Variants in HOXC10 observed in about 807,000 individuals in gnomAD.
HOXC10 encodes the protein homeobox C10.
HOXC10 carries 15 observed loss-of-function variants against 26.0 expected under a neutral mutation model. The observed-to-expected ratio is 0.58, with a 90% CI of 0.39 to 0.89. The LOEUF (loss-of-function observed/expected upper bound fraction) is 0.89, where lower values mean the gene tolerates loss of function less well. HOXC10 is among the 40% of genes least tolerant of loss of function. The probability of loss-of-function intolerance (pLI) is 0.00; values close to 1 mark genes in which losing one functional copy is unlikely to be tolerated. For missense variants in HOXC10, 446 were observed against 451.9 expected (o/e 0.99, Z 0.12); for synonymous variants, 196 against 185.5 (o/e 1.06, Z -0.46).
chr12:53,986,254 T>G (rs542841944), intron 1 of HOXC10: 2 of 443,292 alleles, frequency 4.5e-6, no homozygotes. Context: ...GCGGGGGCGG[T>G]GCGCACCGCG....
In HOXC10 at chr12:53,989,711, G is replaced by A. The variant is rs965442271; in HGVS notation, c.*265G>A. 24 of 501,582 alleles carry A rather than the reference G, an allele frequency of 4.8e-5. No homozygotes were observed. Among genetic ancestry groups the A allele is most frequent in the African/African-American group, 4.2e-4 (22 of 51,846 alleles). The allele number at this position is 501,582 out of a possible 1,614,324, so 31.1% of individuals were successfully genotyped here. ...GGGTGGGAGTGTGGCTGGTGTGTGT[G>A]TCAAGCCCTCACTCACCCACGCACT... On this transcript the variant is annotated 3_prime_UTR_variant, in exon 2 of 2. Transcript: ENST00000303460.
In HOXC10 at chr12:53,990,017, T is replaced by G. The variant is rs1362097489; in HGVS notation, c.*571T>G. ...TCTGCTTGAAGTCTCGTATTTGTAC[T>G]GCTTTCTGCTTTTCTCCCACCCCTC... On this transcript the variant is annotated 3_prime_UTR_variant, in exon 2 of 2. Transcript: ENST00000303460. 1 of 152,536 alleles carries G rather than the reference T, an allele frequency of 6.6e-6. No homozygotes were observed. The highest frequency in any genetic ancestry group is 1.9e-4 in the East Asian group (1 of 5,192). The allele number at this position is 152,536 out of a possible 1,614,324, so 9.4% of individuals were successfully genotyped here.
Position 53,989,447 on chromosome 12 carries a change from G to A in HOXC10, c.*1G>A. On this transcript the variant is annotated 3_prime_UTR_variant, in exon 2 of 2. Transcript: ENST00000303460. Reference sequence around the variant, plus strand: ...GACCTCCAATTTTAATTTCACCTGAGAGCGCGGCCTCTCCTCCTCCCTTCC... The same window carrying A: ...GACCTCCAATTTTAATTTCACCTGAAAGCGCGGCCTCTCCTCCTCCCTTCC... The A allele has an allele frequency of 6.2e-7, 1 of 1,610,432 alleles. No homozygotes were observed. The highest frequency in any genetic ancestry group is 8.5e-7 in the Non-Finnish European group (1 of 1,177,750).
chr12:53,985,671 C>T lies in HOXC10; in HGVS notation c.412C>T (p.Leu138Phe), dbSNP rs769804747. ...LYSHPLPESCLGEHEVPVPSY... is the reference protein window; with the variant it reads ...LYSHPLPESCFGEHEVPVPSY... Reference sequence around the variant, plus strand: ...CTCCCACCCCTTGCCGGAGTCCTGCCTTGGGGAGCACGAGGTACCCGTGCC... The same window carrying T: ...CTCCCACCCCTTGCCGGAGTCCTGCTTTGGGGAGCACGAGGTACCCGTGCC... Residue 138 changes from leucine (L) to phenylalanine (F), a missense_variant, in exon 1 of 2, where the codon CTT (leucine) becomes TTT (phenylalanine). By Grantham distance (22) the Leu-to-Phe change is conservative. Coordinates refer to ENST00000303460, the MANE Select transcript of HOXC10 (RefSeq NM_017409.4). 5.0e-6 allele frequency: 8 copies of T among 1,612,246 alleles called. No individual in the cohort carries two copies. The highest frequency in any genetic ancestry group is 1.3e-5 in the African/African-American group (1 of 74,924).
chr12:53,985,444 C>T lies in HOXC10; in HGVS notation c.185C>T (p.Pro62Leu). The T allele has an allele frequency of 1.2e-6, 2 of 1,612,884 alleles. No individual in the cohort carries two copies. The highest frequency in any genetic ancestry group is 1.7e-6 in the Non-Finnish European group (2 of 1,179,556). ...TCCAAGAGGGACGAGGGCAGCAGCC[C>T]CAGCCTCGCCCTCAACACCTATCCG... is the stretch of plus-strand genomic sequence containing the variant. ...SLSKRDEGSS[P>L]SLALNTYPSY... The change falls in exon 1 of 2, where the codon CCC becomes CTC. Residue 62 changes from proline to leucine, a missense_variant. By Grantham distance (98) the Pro-to-Leu change is moderately conservative. Coordinates refer to ENST00000303460, the MANE Select transcript of HOXC10 (RefSeq NM_017409.4).
intron 1 of HOXC10, among the ~76,000 whole-genome samples, chr12:53,987,827 C>A (rs996813507): frequency 6.6e-6 from 1 of 152,116 alleles, no homozygotes; most frequent in Admixed American, 6.5e-5. Flanking sequence ...CCCACCAAAC[C>A]TAACAACTCC....
Position 53,985,420 on chromosome 12 carries a change from C to T in HOXC10, c.161C>T (p.Ser54Phe). Residue 54 changes from serine to phenylalanine, a missense_variant, in exon 1 of 2, where the codon TCC (serine) becomes TTC (phenylalanine). Ser to Phe is a radical substitution (Grantham distance 155). Coordinates refer to ENST00000303460, the MANE Select transcript of HOXC10 (RefSeq NM_017409.4). The part of the protein sequence containing the change: ...MRGCGLAPSL[S>F]KRDEGSSPSL... The stretch of plus-strand genomic sequence containing the variant: ...GGCTGCGGGCTCGCGCCCTCGCTCT[C>T]CAAGAGGGACGAGGGCAGCAGCCCC... 1.2e-6 allele frequency: 2 copies of T among 1,612,910 alleles called. No individual in the cohort carries two copies. The highest frequency in any genetic ancestry group is 1.7e-6 in the Non-Finnish European group (2 of 1,179,868).
intron 1 of HOXC10, among the ~76,000 whole-genome samples, chr12:53,988,459 G>A (rs1305175160): frequency 6.6e-6 from 1 of 152,206 alleles, no homozygotes; most frequent in African/African-American, 2.4e-5. Flanking sequence ...CCTTTGGCCA[G>A]GAAAGTTGTT....
intron 1 of HOXC10, among the ~76,000 whole-genome samples, chr12:53,987,810 C>T (rs1939460541): frequency 6.6e-6 from 1 of 151,904 alleles, no homozygotes; most frequent in Admixed American, 6.6e-5. Flanking sequence ...TTGTCTTGTC[C>T]CCCCACCCCA....
intron 1 of HOXC10, among the ~76,000 whole-genome samples, chr12:53,988,786 C>CT (rs1344844620): frequency 6.6e-6 from 1 of 152,194 alleles, no homozygotes; most frequent in Non-Finnish European, 1.5e-5. Flanking sequence ...CTGGAAAATG[C>CT]TTTTCCATCT....
Position 53,989,336 on chromosome 12 carries a change from C to G in HOXC10, c.919C>G (p.Leu307Val). The G allele has an allele frequency of 6.2e-7, 1 of 1,614,166 alleles. No homozygotes were observed. The highest frequency in any genetic ancestry group is 2.2e-5 in the East Asian group (1 of 44,886). ...RRLEISKTINLTDRQVKIWFQ... is the reference protein window; with the variant it reads ...RRLEISKTINVTDRQVKIWFQ... ...CCTGGAGATTAGCAAGACCATTAAC[C>G]TTACAGACAGACAAGTCAAAATCTG... The change falls in exon 2 of 2, where the codon CTT becomes GTT. Residue 307 changes from leucine to valine, a missense_variant. Physicochemically the swap from Leu to Val is conservative, Grantham distance 32. Transcript: ENST00000303460.
rs543273924 is a variant in HOXC10, at chr12:53,988,733, G to C, written c.752-436G>C. 1.6e-4 allele frequency among the ~76,000 whole-genome samples: 24 copies of C among 152,344 alleles called. No individual in the cohort carries two copies. In the East Asian group the frequency reaches 2.9e-3, roughly 18 times the overall value. ...GTTGAAACAGGTCAAAGCTCTCTGG[G>C]AATTTCTCTGGTCTGTGGGTGGACT... On this transcript the variant is annotated intron_variant, in intron 1 of 1. Transcript: ENST00000303460.
rs559539813 is a variant in HOXC10 at position 53,985,384 on chromosome 12, G to T, written c.125G>T (p.Gly42Val). The change falls in exon 1 of 2, where the codon GGG becomes GTG. Residue 42 changes from glycine (G) to valine (V), a missense_variant. Gly to Val is a moderately radical substitution (Grantham distance 109). Transcript: ENST00000303460. The part of the protein sequence containing the change: ...YMQSGSDFNC[G>V]VMRGCGLAPS... Reference sequence around the variant, plus strand: ...CAGTCTGGGAGTGACTTCAATTGCGGGGTGATGAGGGGCTGCGGGCTCGCG... The same window carrying T: ...CAGTCTGGGAGTGACTTCAATTGCGTGGTGATGAGGGGCTGCGGGCTCGCG... 1.2e-6 allele frequency: 2 copies of T among 1,613,992 alleles called. No homozygotes were observed. Among genetic ancestry groups the T allele is most frequent in the Non-Finnish European group, 1.7e-6 (2 of 1,180,022 alleles).
Position 53,989,821 on chromosome 12 carries a change from G to C in HOXC10, c.*375G>C, listed in dbSNP as rs567415634. ...AAAAAAAGGAAAAAAATTAACCAGA[G>C]AGGGTCTGTAATCTCGCAGAGCACA... On this transcript the variant is annotated 3_prime_UTR_variant, in exon 2 of 2. Coordinates refer to ENST00000303460, the MANE Select transcript of HOXC10 (RefSeq NM_017409.4). 9.7e-6 allele frequency: 2 copies of C among 206,444 alleles called. No individual in the cohort carries two copies. The highest frequency in any genetic ancestry group is 4.7e-5 in the African/African-American group (2 of 42,988). The allele number at this position is 206,444 out of a possible 1,614,324, so 12.8% of individuals were successfully genotyped here. A position where few individuals can be genotyped will look rare whatever the true frequency, so the allele number is the denominator to read the frequency against.
chr12:53,988,592 T>G (rs1010390143), intron 1 of HOXC10, among the ~76,000 whole-genome samples: 1 of 152,208 alleles, frequency 6.6e-6, no homozygotes, highest in South Asian at 2.1e-4. Flanking sequence ...ATGGGAGACC[T>G]AAGGGAGCAG....
chr12:53,989,153 A>G lies in HOXC10; in HGVS notation c.752-16A>G, dbSNP rs142781030. The G allele has an allele frequency of 1.3e-6, 2 of 1,587,246 alleles. No individual in the cohort carries two copies. The highest frequency in any genetic ancestry group is 1.7e-6 in the Non-Finnish European group (2 of 1,168,862). On this transcript the variant is annotated splice_polypyrimidine_tract_variant and intron_variant, in intron 1 of 1. Coordinates refer to ENST00000303460, the MANE Select transcript of HOXC10 (RefSeq NM_017409.4). ...ACTTCGAGGGATACTTATGTAAATA[A>G]TGTTATTTTTAACAGAGGAGATAAA...
chr12:53,985,981 G>C lies in HOXC10; in HGVS notation c.722G>C (p.Ser241Thr). 6.3e-7 allele frequency: 1 copy of C among 1,581,564 alleles called. No homozygotes were observed. Among genetic ancestry groups the C allele is most frequent in the Non-Finnish European group, 8.6e-7 (1 of 1,163,966 alleles). The part of the protein sequence containing the change: ...EKERAKAADS[S>T]PDTSDNEAKE... ...GAGAGGGCCAAAGCTGCCGACTCCA[G>C]CCCAGACACCTCGGATAACGAAGCG... is the stretch of plus-strand genomic sequence containing the variant. The change falls in exon 1 of 2, where the codon AGC becomes ACC. Residue 241 changes from serine (S) to threonine (T), a missense_variant. Transcript: ENST00000303460.
Position 53,985,652 on chromosome 12 carries a change from C to A in HOXC10, c.393C>A (p.His131Gln). 6 of 1,613,584 alleles carry A rather than the reference C, an allele frequency of 3.7e-6. No individual in the cohort carries two copies. Among genetic ancestry groups the A allele is most frequent in the Non-Finnish European group, 5.1e-6 (6 of 1,179,816 alleles). Residue 131 changes from histidine (H) to glutamine (Q), a missense_variant, in exon 1 of 2, where the codon CAC becomes CAA. Transcript: ENST00000303460. ...GCCCCGAGGCAGCTCTCTACTCCCA[C>A]CCCTTGCCGGAGTCCTGCCTTGGGG... is the stretch of plus-strand genomic sequence containing the variant. The part of the protein sequence containing the change: ...KSGPEAALYS[H>Q]PLPESCLGEH...
In HOXC10 at chr12:53,989,224, GA is replaced by G; in HGVS notation, c.809del (p.Lys270ArgfsTer24). ...GNWLTAKSGR[K>X]KRCPYTKHQT... is the part of the protein sequence containing the mutation. ...ATTGGCTGACAGCAAAGAGCGGAAG[GA>G]AGAAGAGGTGCCCCTATACTAAACA... On this transcript the variant is annotated frameshift_variant, in exon 2 of 2. Transcript: ENST00000303460. LOFTEE classifies it high-confidence loss of function. 1 of 1,613,548 alleles carries G rather than the reference GA, an allele frequency of 6.2e-7. No homozygotes were observed. The highest frequency in any genetic ancestry group is 8.5e-7 in the Non-Finnish European group (1 of 1,179,808).
Sources: gnomAD v4.1 joint callset for allele counts (sites outside exome capture counted in the v4.1 genomes callset) on GRCh38, gnomAD v4.1.1 for gene constraint, MANE v1.5 for transcripts, NCBI Gene and HGNC (gene_info 2026-07-23, HGNC 2026-07-21) for gene names.